Variants in TOMM70 observed in about 807,000 individuals in gnomAD.
The protein encoded by TOMM70 is mitochondrial import receptor subunit TOM70.
A neutral mutation model predicts 73.6 loss-of-function variants in TOMM70; 13 were observed. The observed-to-expected ratio is 0.18, with a 90% confidence interval of 0.11 to 0.28. The LOEUF (loss-of-function observed/expected upper bound fraction) is 0.28. TOMM70 is among the 10% of genes least tolerant of loss of function. TOMM70 has a pLI of 1.00. For synonymous variants in TOMM70, 257 were observed against 271.2 expected, an observed-to-expected ratio of 0.95 and a Z score of 0.51; for missense variants, 609 against 747.5, an observed-to-expected ratio of 0.81 and a Z score of 2.16.
chr3:100,400,669 G>C lies in TOMM70; in HGVS notation c.281C>G (p.Pro94Arg). 1 of 1,612,336 alleles carries C rather than the reference G, an allele frequency of 6.2e-7. No homozygotes were observed. Among genetic ancestry groups the C allele is most frequent in the Non-Finnish European group, 8.5e-7 (1 of 1,179,730 alleles). The change falls in exon 1 of 12, where the codon CCG (proline) becomes CGG (arginine). Residue 94 changes from proline (P) to arginine (R), a missense_variant. By Grantham distance (103) the Pro-to-Arg change is moderately radical (BLOSUM62 -2). This residue lies in a region of TOMM70 where 177 missense variants were observed against 163.5 expected (regional missense o/e 1.08). Transcript: ENST00000284320. ...KTPEGRASPA[P>R]GSGHPEGPGA... ...GGGACCTTCAGGGTGTCCGCTGCCCGGGGCCGGACTGGCCCTGCCCTCCGG... is the reference window on the plus strand; with the variant it reads ...GGGACCTTCAGGGTGTCCGCTGCCCCGGGCCGGACTGGCCCTGCCCTCCGG...
Position 100,363,529 on chromosome 3 carries a change from T to G in TOMM70, c.*2035A>C, listed in dbSNP as rs990683213. The G allele has an allele frequency of 3.3e-5, 5 of 152,642 alleles. No homozygotes were observed. Among genetic ancestry groups the G allele is most frequent in the African/African-American group, 1.2e-4 (5 of 41,446 alleles). The allele number at this position is 152,642 out of a possible 1,614,324, so 9.5% of individuals were successfully genotyped here. The stretch of plus-strand genomic sequence containing the variant: ...TTTACAAAAGAAAGATACAGACAGA[T>G]GCAGCTTTCAGTGCAGTTTCAAACA... On this transcript the variant is annotated 3_prime_UTR_variant, in exon 12 of 12. Transcript: ENST00000284320.
intron 5 of TOMM70, among the ~76,000 whole-genome samples, chr3:100,378,964 G>A (rs1343543408): frequency 6.6e-5 from 10 of 152,098 alleles, no homozygotes; most frequent in Admixed American, 4.6e-4. Context: ...CTGAGATCGC[G>A]CCACTACACT....
intron 10 of TOMM70, 51 bp from the exon 11 acceptor site, chr3:100,368,217 A>T (rs751208040): frequency 6.4e-7 from 1 of 1,573,660 alleles, no homozygotes; most frequent in African/African-American, 1.4e-5. Context: ...TATCAGTAGG[A>T]ATACACACAC....
intron 1 of TOMM70, among the ~76,000 whole-genome samples, chr3:100,399,642 T>C (rs1706865502): frequency 6.6e-6 from 1 of 152,110 alleles, no homozygotes; most frequent in South Asian, 2.1e-4. Context: ...AACTGTATCA[T>C]GCATATTAGG....
At chr3:100,389,903 G>T (rs1443914813) in intron 1 of TOMM70, among the ~76,000 whole-genome samples, 1 of 152,016 alleles carries the variant, frequency 6.6e-6, no homozygotes, top group Non-Finnish European at 1.5e-5. Context: ...TAGCCAGGAT[G>T]GTGGCAGGCA....
At chr3:100,367,894 TCACTGCCTTAG>T in intron 11 of TOMM70, 139 bp downstream of exon 11, 1 of 814,014 alleles carries the variant, frequency 1.2e-6, no homozygotes, top group Non-Finnish European at 1.7e-6. Context: ...AATCCTTATG[TCACTGCCTTAG>T]CACATTTTTT....
At chr3:100,394,590 A>G (rs1706800958) in intron 1 of TOMM70, among the ~76,000 whole-genome samples, 1 of 151,760 alleles carries the variant, frequency 6.6e-6, no homozygotes, top group Admixed American at 6.6e-5. Context: ...TGCAACCTCC[A>G]CCTCCCGGGT....
At chr3:100,368,621 G>A (rs1269655539) in intron 10 of TOMM70, among the ~76,000 whole-genome samples, 7 of 152,160 alleles carry the variant, frequency 4.6e-5, no homozygotes, top group Non-Finnish European at 7.4e-5. Flanking sequence ...TGCCGCCCAG[G>A]CTGGAGAGCA....
rs1706896521 is a variant in TOMM70, at chr3:100,401,031, G to GGGAA, written c.-86_-83dup. On this transcript the variant is annotated 5_prime_UTR_variant, in exon 1 of 12. Coordinates refer to ENST00000284320, the MANE Select transcript of TOMM70 (RefSeq NM_014820.5). ...CAGCGTGCGAAGGAAGACCGAGGGA[G>GGGAA]GGAAGGAAAGCAATGAGCGAGCGAG... 2 of 1,398,592 alleles carry GGGAA rather than the reference G, an allele frequency of 1.4e-6. No individual in the cohort carries two copies. Among genetic ancestry groups the GGGAA allele is most frequent in the Non-Finnish European group, 1.9e-6 (2 of 1,031,038 alleles). 86.6% of individuals were successfully genotyped at this position (1,398,592 alleles called of 1,614,324 possible). A position where few individuals can be genotyped will look rare whatever the true frequency, so the allele number is the denominator to read the frequency against.
At chr3:100,370,576 G>A (rs919320568) in intron 9 of TOMM70, among the ~76,000 whole-genome samples, 11 of 152,158 alleles carry the variant, frequency 7.2e-5, no homozygotes, top group African/African-American at 2.7e-4. Context: ...CTATGCTCAA[G>A]CTGTAACTTT....
chr3:100,387,569 G>A (rs1706705408), intron 1 of TOMM70, among the ~76,000 whole-genome samples: 1 of 146,090 alleles, frequency 6.8e-6, no homozygotes, highest in South Asian at 2.2e-4. Flanking sequence ...ACACCACCAC[G>A]TCCAGCTAAA....
intron 11 of TOMM70, among the ~76,000 whole-genome samples, chr3:100,367,429 T>C (rs767833532): frequency 2.0e-5 from 3 of 152,166 alleles, no homozygotes; most frequent in Non-Finnish European, 2.9e-5. Flanking sequence ...GTATCAGTGA[T>C]ATATGAGCTC....
intron 9 of TOMM70, among the ~76,000 whole-genome samples, chr3:100,369,454 G>A (rs985748351): frequency 4.6e-5 from 7 of 151,106 alleles, no homozygotes; most frequent in African/African-American, 1.7e-4. Flanking sequence ...CATAGGTACA[G>A]TCACATCACT....
chr3:100,390,201 T>C (rs114842248), intron 1 of TOMM70, among the ~76,000 whole-genome samples: 304 of 152,362 alleles, frequency 2.0e-3, no homozygotes, highest in Non-Finnish European at 3.4e-3. Flanking sequence ...TTAGTTGATA[T>C]GATTCTACTA....
chr3:100,391,488 AAAG>A (rs1706761256), intron 1 of TOMM70, among the ~76,000 whole-genome samples: 1 of 152,200 alleles, frequency 6.6e-6, no homozygotes, highest in African/African-American at 2.4e-5. Context: ...AGTTTTTAAC[AAAG>A]AAGTTTAAAA....
At chr3:100,387,785 A>G (rs1328048136) in intron 1 of TOMM70, among the ~76,000 whole-genome samples, 2 of 151,942 alleles carry the variant, frequency 1.3e-5, no homozygotes, top group African/African-American at 4.8e-5. Context: ...ACCAGCGTGC[A>G]CTACCACATC....
intron 9 of TOMM70, among the ~76,000 whole-genome samples, chr3:100,369,889 T>C (rs185962025): frequency 5.3e-5 from 8 of 152,364 alleles, no homozygotes; most frequent in Non-Finnish European, 7.3e-5. Flanking sequence ...TTTAAAATTA[T>C]TGATTTTTTA....
intron 5 of TOMM70, among the ~76,000 whole-genome samples, chr3:100,378,414 T>A (rs1375500204): frequency 6.6e-6 from 1 of 152,100 alleles, no homozygotes; most frequent in East Asian, 1.9e-4. Flanking sequence ...AGATTAGGAT[T>A]TTTGATGTAG....
At chr3:100,378,366 G>A (rs1382175896) in intron 5 of TOMM70, among the ~76,000 whole-genome samples, 4 of 152,172 alleles carry the variant, frequency 2.6e-5, no homozygotes, top group Non-Finnish European at 5.9e-5. Context: ...AGCCAGTGTG[G>A]CATGGGGTTG....
Sources: allele counts gnomAD v4.1 joint callset (sites outside exome capture counted in the v4.1 genomes callset), GRCh38; gene constraint gnomAD v4.1.1; regional missense constraint gnomAD v4.1.1; transcripts MANE v1.5; gene names NCBI Gene and HGNC (gene_info 2026-07-23, HGNC 2026-07-21).